Variants in SLMAP observed in about 807,000 individuals in gnomAD.
The protein encoded by SLMAP is sarcolemmal membrane-associated protein.
A neutral mutation model predicts 128.8 loss-of-function variants in SLMAP; 44 were observed. The ratio of observed to expected loss-of-function variants is 0.34; its 90% confidence interval spans 0.27 to 0.44. The LOEUF is 0.44. Among genes scored for constraint, SLMAP ranks in the 20% least tolerant of loss-of-function variants. The pLI, the probability that SLMAP is intolerant of heterozygous loss-of-function variation, is 1.00. For synonymous variants in SLMAP, 327 were observed against 348.8 expected (o/e 0.94, Z 0.70); for missense variants, 787 against 985.3 (o/e 0.80, Z 2.69).
At chr3:57,768,560 G>A (rs1231536199) in intron 2 of SLMAP, among the ~76,000 whole-genome samples, 1 of 152,090 alleles carries the variant, frequency 6.6e-6, no homozygotes, top group African/African-American at 2.4e-5. Context: ...TGTAGAATAG[G>A]TAAATTCATA....
chr3:57,910,737 A>C (rs2153688174), intron 19 of SLMAP, among the ~76,000 whole-genome samples: 1 of 152,326 alleles, frequency 6.6e-6, no homozygotes, highest in Admixed American at 6.5e-5. Context: ...TTCCTAAAGT[A>C]AAATTAATTT....
chr3:57,810,383 C>G (rs2090744696), intron 2 of SLMAP, among the ~76,000 whole-genome samples: 1 of 152,166 alleles, frequency 6.6e-6, no homozygotes, highest in Non-Finnish European at 1.5e-5. Context: ...GCAGAATGAG[C>G]CCAGCAGACC....
At chr3:57,797,398 C>T (rs975766520) in intron 2 of SLMAP, among the ~76,000 whole-genome samples, 1 of 151,146 alleles carries the variant, frequency 6.6e-6, no homozygotes, top group Non-Finnish European at 1.5e-5. Flanking sequence ...GCAGGAGAAT[C>T]GCTTGAACCC....
chr3:57,786,034 A>G (rs192428178), intron 2 of SLMAP, among the ~76,000 whole-genome samples: 4 of 152,330 alleles, frequency 2.6e-5, no homozygotes, highest in East Asian at 3.9e-4. Flanking sequence ...TGAAACCTAA[A>G]GTCTATTTGA....
rs927338707 is a variant in SLMAP at position 57,846,124 on chromosome 3, G to C, written c.420-1073G>C. On this transcript the variant is annotated intron_variant, in intron 4 of 24. Coordinates refer to ENST00000671191, the MANE Select transcript of SLMAP (RefSeq NM_001377540.1). ...CAAAGTCCTGGGATTACAGGTGTGA[G>C]CCACTGTGCCTGACTCGATTATCTC... is the stretch of plus-strand genomic sequence containing the variant. Among the ~76,000 whole-genome samples, 67 of 152,336 alleles carry C rather than the reference G, an allele frequency of 4.4e-4. 1 individual carries two copies. Among genetic ancestry groups the C allele is most frequent in the African/African-American group, 1.5e-3 (61 of 41,590 alleles).
chr3:57,862,660 A>G (rs1010182807), intron 10 of SLMAP, among the ~76,000 whole-genome samples: 15 of 151,440 alleles, frequency 9.9e-5, no homozygotes, highest in Non-Finnish European at 5.9e-5. Flanking sequence ...AAAAAAAAAA[A>G]TTCAGTTTGA....
Position 57,927,278 on chromosome 3 carries a change from T to C in SLMAP, c.*7-18T>C, listed in dbSNP as rs936846732. On this transcript the variant is annotated intron_variant, in intron 24 of 24. Transcript: ENST00000671191. ...GAGGGGAGAATGTGATATTGACTCT[T>C]GGTTTCTTTCCACACAGAAACCCTG... 10 of 1,570,658 alleles carry C rather than the reference T, an allele frequency of 6.4e-6. No individual in the cohort carries two copies. The highest frequency in any genetic ancestry group is 1.7e-5 in the Admixed American group (1 of 59,230).
At chr3:57,772,402 G>A (rs1006693809) in intron 2 of SLMAP, among the ~76,000 whole-genome samples, 2 of 152,204 alleles carry the variant, frequency 1.3e-5, no homozygotes, top group Non-Finnish European at 2.9e-5. Context: ...TTTCAGAATC[G>A]TTGAAAGGCT....
chr3:57,781,729 A>AT (rs748021832), intron 2 of SLMAP, among the ~76,000 whole-genome samples: 2,405 of 109,126 alleles, frequency 0.022, 134 homozygotes, highest in African/African-American at 0.054. Context: ...ATATTGACTG[A>AT]TTTTTTTTTT....
intron 2 of SLMAP, among the ~76,000 whole-genome samples, chr3:57,803,894 A>G (rs1300581502): frequency 1.3e-5 from 2 of 152,212 alleles, no homozygotes; most frequent in Non-Finnish European, 2.9e-5. Flanking sequence ...CATTTCAAGT[A>G]AATAATTCTG....
At chr3:57,924,964 T>TTTTTTG (rs1559589052) in intron 23 of SLMAP, among the ~76,000 whole-genome samples, 4 of 127,120 alleles carry the variant, frequency 3.1e-5, no homozygotes, top group Non-Finnish European at 5.5e-5. Flanking sequence ...TTTGTTTTTT[T>TTTTTTG]TTTTTTTGGT....
rs926947646 is a variant in SLMAP at position 57,929,850 on chromosome 3, G to A, written c.*2561G>A. Among the ~76,000 whole-genome samples the A allele has an allele frequency of 6.6e-6, 1 of 152,200 alleles. No individual in the cohort carries two copies. The highest frequency in any genetic ancestry group is 6.5e-5 in the Admixed American group (1 of 15,282). ...AATAATACTTATATTTGTGGTAGTA[G>A]TGTGAACATTAAAAAGATAATGTAT... On this transcript the variant is annotated 3_prime_UTR_variant, in exon 25 of 25. Coordinates refer to ENST00000671191, the MANE Select transcript of SLMAP (RefSeq NM_001377540.1).
At chr3:57,792,199 TG>T (rs146000048) in intron 2 of SLMAP, among the ~76,000 whole-genome samples, 23,930 of 152,012 alleles carry the variant, frequency 0.16, 2,418 homozygotes, top group East Asian at 0.43. Flanking sequence ...TTTATTTTGA[TG>T]GTATTGATTT....
At chr3:57,773,465 C>T (rs1438090794) in intron 2 of SLMAP, among the ~76,000 whole-genome samples, 1 of 152,096 alleles carries the variant, frequency 6.6e-6, no homozygotes, top group African/African-American at 2.4e-5. Context: ...TCACTGTTTC[C>T]AAAAACCTAT....
chr3:57,868,370 A>C (rs2095362732), intron 13 of SLMAP, among the ~76,000 whole-genome samples: 1 of 152,028 alleles, frequency 6.6e-6, no homozygotes, highest in Non-Finnish European at 1.5e-5. Context: ...TTGAGCCCAG[A>C]AGCTCGAAAC....
intron 22 of SLMAP, 23 bp downstream of exon 22, chr3:57,917,100 G>A: frequency 6.2e-7 from 1 of 1,613,252 alleles, no homozygotes; most frequent in East Asian, 2.2e-5. Context: ...GACATTATGA[G>A]CCCAATTATG....
At chr3:57,903,361 A>C (rs2096443579) in intron 17 of SLMAP, among the ~76,000 whole-genome samples, 8 of 152,220 alleles carry the variant, frequency 5.3e-5, no homozygotes, top group Admixed American at 5.2e-4. Flanking sequence ...ATGGCAATGG[A>C]AAGAGGACAC....
intron 2 of SLMAP, among the ~76,000 whole-genome samples, chr3:57,783,477 A>C (rs1298079673): frequency 6.6e-6 from 1 of 152,200 alleles, no homozygotes; most frequent in East Asian, 1.9e-4. Context: ...TGGTGGAAGA[A>C]ATTTTTAAAC....
chr3:57,878,144 C>A (rs1403059364), intron 14 of SLMAP, among the ~76,000 whole-genome samples: 3 of 151,996 alleles, frequency 2.0e-5, no homozygotes, highest in Non-Finnish European at 2.9e-5. Context: ...CACCCGGCCT[C>A]CTTCTTAAAT....
Sources: allele counts gnomAD v4.1 joint callset (sites outside exome capture counted in the v4.1 genomes callset), GRCh38; gene constraint gnomAD v4.1.1; transcripts MANE v1.5; gene names NCBI Gene and HGNC (gene_info 2026-07-23, HGNC 2026-07-21).